Variants in ASIC2 observed in about 807,000 individuals in gnomAD.
ASIC2 encodes the protein acid sensing ion channel subunit 2, also known as acid-sensing ion channel 2.
Under a neutral mutation model 57.3 loss-of-function variants are expected in ASIC2, and 25 were observed. That is an observed-to-expected ratio of 0.44 (90% CI 0.32 to 0.61). The LOEUF (loss-of-function observed/expected upper bound fraction) is 0.61, where lower values mean the gene tolerates loss of function less well. ASIC2 is among the 20% of genes least tolerant of loss of function. ASIC2 has a pLI of 0.06. For missense variants in ASIC2, 641 were observed against 738.1 expected (o/e 0.87, Z 1.52); for synonymous variants, 319 against 307.5 (o/e 1.04, Z -0.39).
intron 1 of ASIC2, among the ~76,000 whole-genome samples, chr17:33,698,913 C>T (rs184258329): frequency 1.3e-5 from 2 of 151,982 alleles, no homozygotes; most frequent in Non-Finnish European, 2.9e-5. Flanking sequence ...ACGCAGATGC[C>T]CCCCCTCTGC....
At chr17:33,441,038 AG>A (rs1174941751) in intron 1 of ASIC2, among the ~76,000 whole-genome samples, 1 of 152,058 alleles carries the variant, frequency 6.6e-6, no homozygotes, top group Non-Finnish European at 1.5e-5. Flanking sequence ...GTGTGATCAC[AG>A]CTCACTGTAG....
chr17:33,483,188 A>G (rs777819859), intron 1 of ASIC2, among the ~76,000 whole-genome samples: 8 of 152,158 alleles, frequency 5.3e-5, no homozygotes, highest in Admixed American at 4.6e-4. Flanking sequence ...TCCATCCCTG[A>G]TTAATAAAAC....
At chr17:33,736,417 C>T (rs1054698816) in intron 1 of ASIC2, among the ~76,000 whole-genome samples, 12 of 152,054 alleles carry the variant, frequency 7.9e-5, no homozygotes, top group African/African-American at 2.9e-4. Flanking sequence ...TACCACTGGC[C>T]TTTTCTACAC....
At chr17:33,975,351 C>G (rs1467814618) in intron 1 of ASIC2, among the ~76,000 whole-genome samples, 5 of 152,164 alleles carry the variant, frequency 3.3e-5, no homozygotes, top group African/African-American at 1.2e-4. Context: ...GGGAAGATGG[C>G]TCAATCTTCG....
chr17:33,186,451 G>A (rs536788298), intron 1 of ASIC2, among the ~76,000 whole-genome samples: 124 of 152,108 alleles, frequency 8.2e-4, no homozygotes, highest in African/African-American at 2.9e-3. Context: ...TTTATTTTTT[G>A]GCTAATGACT....
intron 1 of ASIC2, chr17:33,792,620 A>G (rs936993248): frequency 6.6e-6 from 1 of 152,218 alleles, no homozygotes; most frequent in Non-Finnish European, 1.5e-5. Context: ...ATTCGTAGAT[A>G]TCTTGGGTGC....
chr17:33,305,267 A>T (rs566148698), intron 1 of ASIC2, among the ~76,000 whole-genome samples: 5 of 152,284 alleles, frequency 3.3e-5, no homozygotes, highest in Admixed American at 1.3e-4. Flanking sequence ...CTGATATCAA[A>T]TCCTCTTCCC....
chr17:34,148,271 T>A (rs1904370758), intron 1 of ASIC2, among the ~76,000 whole-genome samples: 3 of 152,216 alleles, frequency 2.0e-5, no homozygotes, highest in Non-Finnish European at 4.4e-5. Flanking sequence ...TTGTGGGTCA[T>A]CAAAATAGTC....
At chr17:33,668,338 G>A (rs1024364912) in intron 1 of ASIC2, among the ~76,000 whole-genome samples, 27 of 130,690 alleles carry the variant, frequency 2.1e-4, no homozygotes, top group Non-Finnish European at 3.0e-4. Context: ...CAACTTATTG[G>A]TGCCAAGAAG....
At chr17:33,254,629 T>C (rs1240364330) in intron 1 of ASIC2, among the ~76,000 whole-genome samples, 1 of 152,142 alleles carries the variant, frequency 6.6e-6, no homozygotes, top group East Asian at 1.9e-4. Flanking sequence ...TCAGAAGGTA[T>C]CACCTCCTTC....
chr17:33,497,854 A>T (rs916595225), intron 1 of ASIC2, among the ~76,000 whole-genome samples: 1 of 152,354 alleles, frequency 6.6e-6, no homozygotes, highest in Non-Finnish European at 1.5e-5. Flanking sequence ...AGGCACCTAG[A>T]GAGTGTCACT....
chr17:33,687,586 A>G, intron 1 of ASIC2, among the ~76,000 whole-genome samples: 1 of 152,072 alleles, frequency 6.6e-6, no homozygotes, highest in East Asian at 1.9e-4. Context: ...CTCCATTCCT[A>G]TTGTGCCCCA....
intron 1 of ASIC2, chr17:34,082,139 C>T (rs942145564): frequency 1.3e-5 from 2 of 152,184 alleles, no homozygotes; most frequent in Admixed American, 6.5e-5. Flanking sequence ...TCAAGTTCTT[C>T]CTGCTGCTTC....
intron 1 of ASIC2, among the ~76,000 whole-genome samples, chr17:33,984,001 T>C (rs187468438): frequency 2.0e-5 from 3 of 152,310 alleles, no homozygotes; most frequent in Non-Finnish European, 1.5e-5. Flanking sequence ...TCTGTTCTTG[T>C]TGTCACTAGT....
chr17:33,639,454 A>G (rs1470992785), intron 1 of ASIC2, among the ~76,000 whole-genome samples: 1 of 152,028 alleles, frequency 6.6e-6, no homozygotes, highest in Non-Finnish European at 1.5e-5. Context: ...AAAGTCTCTT[A>G]TGTTTATCTT....
chr17:33,780,803 G>T (rs1159166782), intron 1 of ASIC2, among the ~76,000 whole-genome samples: 1 of 152,210 alleles, frequency 6.6e-6, no homozygotes, highest in African/African-American at 2.4e-5. Context: ...GACCTGGTCT[G>T]CCAGGGTGGT....
At chr17:33,696,031 C>T (rs953281832) in intron 1 of ASIC2, among the ~76,000 whole-genome samples, 6 of 152,142 alleles carry the variant, frequency 3.9e-5, no homozygotes, top group Admixed American at 3.9e-4. Flanking sequence ...CGTATGAGTA[C>T]AGCAGAATTT....
chr17:33,051,785 C>A (rs1278779847), intron 3 of ASIC2, among the ~76,000 whole-genome samples: 1 of 152,198 alleles, frequency 6.6e-6, no homozygotes, highest in African/African-American at 2.4e-5. Flanking sequence ...TAGCAGAGAT[C>A]CTCATTGGCA....
At position 33,013,789 on chromosome 17, in the gene ASIC2, T is replaced by C; in HGVS notation, c.*176A>G. The C allele has an allele frequency of 1.6e-6, 1 of 629,732 alleles. No homozygotes were observed. The highest frequency in any genetic ancestry group is 2.9e-6 in the Non-Finnish European group (1 of 349,456). 39.0% of individuals were successfully genotyped at this position (629,732 alleles called of 1,614,324 possible). The stretch of plus-strand genomic sequence containing the variant: ...AGGGACGCACGGCGGGGCCCAAGGA[T>C]GCGTCGTGTTGGACGTGGCCGGAGC... On this transcript the variant is annotated 3_prime_UTR_variant, in exon 10 of 10. Transcript: ENST00000225823.
Sources: allele counts gnomAD v4.1 joint callset (sites outside exome capture counted in the v4.1 genomes callset), GRCh38; gene constraint gnomAD v4.1.1; transcripts MANE v1.5; gene names NCBI Gene and HGNC (gene_info 2026-07-23, HGNC 2026-07-21).